Variants in TRPM4 observed in about 807,000 individuals in gnomAD.
TRPM4 encodes calcium-activated non-selective cation channel 1.
A neutral mutation model predicts 135.6 loss-of-function variants in TRPM4; 124 were observed. The observed-to-expected ratio is 0.91, with a 90% CI of 0.79 to 1.06. The LOEUF (loss-of-function observed/expected upper bound fraction) is 1.06. TRPM4 is among the 50% of genes least tolerant of loss of function. The pLI is 0.00. For synonymous variants in TRPM4, 745 were observed against 705.6 expected (o/e 1.06, Z -0.88); for missense variants, 1,658 against 1,671.4 (o/e 0.99, Z 0.14).
At position 49,157,861 on chromosome 19, in the gene TRPM4, G is replaced by C; in HGVS notation, c.-6G>C. On this transcript the variant is annotated 5_prime_UTR_variant, in exon 1 of 25. Transcript: ENST00000252826. ...GGCTGCAGGAGGTTGCGGCGGCCGC[G>C]GCAGCATGGTGGTGCCGGAGAAGGA... 1 of 1,534,558 alleles carries C rather than the reference G, an allele frequency of 6.5e-7. No homozygotes were observed.
At chr19:49,167,406 A>T (rs925545229) in intron 3 of TRPM4, among the ~76,000 whole-genome samples, 60 of 33,338 alleles carry the variant, frequency 1.8e-3, no homozygotes, top group Admixed American at 3.0e-3. Flanking sequence ...TTTCCCCTTT[A>T]CTCTGGGTTT....
rs146888497 is a variant in TRPM4 at position 49,169,837 on chromosome 19, C to T, written c.796+1101C>T. ...CCTCCCAAAGTGCTGGGATTACGGT[C>T]GTGAGCCACTGCGCCCAGCCAGCCA... On this transcript the variant is annotated intron_variant, in intron 6 of 24. Transcript: ENST00000252826. 2.9e-3 allele frequency among the ~76,000 whole-genome samples: 440 copies of T among 151,816 alleles called. 1 individual carries two copies. Among genetic ancestry groups the T allele is most frequent in the African/African-American group, 0.01 (419 of 41,394 alleles).
At chr19:49,190,164 G>C in intron 14 of TRPM4, 44 bp from the exon 15 acceptor site, 2 of 1,544,466 alleles carry the variant, frequency 1.3e-6, no homozygotes, top group Middle Eastern at 3.4e-4. Flanking sequence ...TAGGGACGGG[G>C]CTGTGGGGGA....
Position 49,170,478 on chromosome 19 carries a change from C to T in TRPM4, c.797-879C>T, listed in dbSNP as rs559857974. ...TGCTGGGATTACAGGCATGAGCCAC[C>T]GCACCTGGCCTAGTTTCTAATTTTA... On this transcript the variant is annotated intron_variant, in intron 6 of 24. Transcript: ENST00000252826. Among the ~76,000 whole-genome samples the T allele has an allele frequency of 1.7e-4, 26 of 152,248 alleles. No homozygotes were observed. The East Asian group carries it at 3.3e-3, about 19-fold the overall frequency.
chr19:49,168,592 G>C lies in TRPM4; in HGVS notation c.652G>C (p.Glu218Gln), dbSNP rs747502300. Residue 218 changes from glutamate (E) to glutamine (Q), a missense_variant, in exon 6 of 25, where the codon GAG (glutamate) becomes CAG (glutamine). Glu to Gln is a conservative substitution (Grantham distance 29). This residue lies in a region of TRPM4 where 1,412 missense variants were observed against 1,408.7 expected (regional missense o/e 1.00). Coordinates refer to ENST00000252826, the MANE Select transcript of TRPM4 (RefSeq NM_017636.4). ...GAGGTACCGGTGGCGCGGTGACCCGGAGGACGGGGTCCAGTTTCCCCTGGA... is the reference window on the plus strand; with the variant it reads ...GAGGTACCGGTGGCGCGGTGACCCGCAGGACGGGGTCCAGTTTCCCCTGGA... ...PARYRWRGDP[E>Q]DGVQFPLDYN... 3 of 1,613,668 alleles carry C rather than the reference G, an allele frequency of 1.9e-6. No homozygotes were observed. Among genetic ancestry groups the C allele is most frequent in the Non-Finnish European group, 2.5e-6 (3 of 1,180,010 alleles).
At chr19:49,174,489 A>T (rs1430480725) in intron 9 of TRPM4, among the ~76,000 whole-genome samples, 1 of 151,584 alleles carries the variant, frequency 6.6e-6, no homozygotes, top group East Asian at 2.0e-4. Context: ...GGCCAGGCAC[A>T]GTGGCTCACA....
At chr19:49,180,003 G>A (rs928947121) in intron 9 of TRPM4, among the ~76,000 whole-genome samples, 1 of 152,198 alleles carries the variant, frequency 6.6e-6, no homozygotes, top group Admixed American at 6.5e-5. Context: ...CTTGCCTGAA[G>A]TCACTCAGTT....
chr19:49,200,199 G>A (rs563722790), intron 17 of TRPM4, 101 bp from the exon 18 acceptor site: 97 of 1,583,576 alleles, frequency 6.1e-5, no homozygotes, highest in Non-Finnish European at 8.3e-5. Context: ...GTCCTGCCCG[G>A]TGGAGGCTGC....
intron 16 of TRPM4, among the ~76,000 whole-genome samples, chr19:49,196,018 C>T (rs553036938): frequency 2.0e-5 from 3 of 151,876 alleles, no homozygotes; most frequent in Middle Eastern, 3.4e-3. Flanking sequence ...GCCACCAGAC[C>T]CGGCTAATTT....
Position 49,168,223 on chromosome 19 carries a change from T to TC in TRPM4, c.449-32dup, listed in dbSNP as rs781046905. 8.7e-6 allele frequency: 14 copies of TC among 1,613,058 alleles called. 1 individual carries two copies. The South Asian group carries it at 1.5e-4, about 18-fold the overall frequency. On this transcript the variant is annotated intron_variant, in intron 4 of 24. Coordinates refer to ENST00000252826, the MANE Select transcript of TRPM4 (RefSeq NM_017636.4). ...GTCTCTGTCTTATTCTTTGTTTCTC[T>TC]CCCCCTGCCTCTGCATGTTCCTCGG... is the stretch of plus-strand genomic sequence containing the variant.
intron 16 of TRPM4, among the ~76,000 whole-genome samples, chr19:49,194,058 CTACTTCTCCTCTTCA>C (rs1968523722): frequency 6.8e-6 from 1 of 147,820 alleles, no homozygotes; most frequent in African/African-American, 2.6e-5. Flanking sequence ...TCTCCTCATC[CTACTTCTCCTCTTCA>C]TCCTCCTCCT....
Position 49,210,404 on chromosome 19 carries a change from C to T in TRPM4, c.3327C>T (p.Phe1109=). Residue 1109 remains phenylalanine (F), a splice_region_variant and synonymous_variant, in exon 21 of 25, where the codon TTC becomes TTT. Transcript: ENST00000252826. This position sits in a 1 kb window ranked among gnomAD's most constrained non-coding sequence, Gnocchi z 4.1. Reference sequence around the variant, plus strand: ...CGTCCTCCCCGGCCCTCGAGCATTTCCGTAAGAACAGAGCTTGGCTTAAAA... The same window carrying T: ...CGTCCTCCCCGGCCCTCGAGCATTTTCGTAAGAACAGAGCTTGGCTTAAAA... ...PQPSSPALEH[F]RVYLSKEAER... The T allele has an allele frequency of 6.2e-7, 1 of 1,613,296 alleles. No homozygotes were observed. Among genetic ancestry groups the T allele is most frequent in the Non-Finnish European group, 8.5e-7 (1 of 1,180,002 alleles).
At position 49,194,656 on chromosome 19, in the gene TRPM4, T is replaced by TGTCC. The variant is rs375513265; in HGVS notation, c.2211-1784_2211-1783insGTCC. Among the ~76,000 whole-genome samples, 259 of 55,118 alleles carry TGTCC rather than the reference T, an allele frequency of 4.7e-3. 2 individuals carry two copies. Among genetic ancestry groups the TGTCC allele is most frequent in the African/African-American group, 0.021 (237 of 11,090 alleles). The allele number at this position is 55,118 out of a possible 152,430, so 36.2% of individuals were successfully genotyped here. A position where few individuals can be genotyped will look rare whatever the true frequency, so the allele number is the denominator to read the frequency against. On this transcript the variant is annotated intron_variant, in intron 16 of 24. Transcript: ENST00000252826. ...CCCTTTCTTTCTCTCTCTCTTTCTC[T>TGTCC]CTCTGTCCCTCCCTCCCTTCCTTCC...
At position 49,211,003 on chromosome 19, in the gene TRPM4, C is replaced by T. The variant is rs1969343124; in HGVS notation, c.3462-12C>T. The T allele has an allele frequency of 3.7e-6, 6 of 1,613,704 alleles. No individual in the cohort carries two copies. Among genetic ancestry groups the T allele is most frequent in the Non-Finnish European group, 4.2e-6 (5 of 1,179,882 alleles). On this transcript the variant is annotated splice_polypyrimidine_tract_variant and intron_variant, in intron 22 of 24. Coordinates refer to ENST00000252826, the MANE Select transcript of TRPM4 (RefSeq NM_017636.4). The surrounding 1 kb of genome is among the most constrained non-coding windows in gnomAD (Gnocchi z 4.8). The stretch of plus-strand genomic sequence containing the variant: ...CTGCGGGTGCCCCCGGTAAGAGGCC[C>T]TCCCTTCTCAGGGTGGACTTGGCAC...
At chr19:49,192,198 G>A (rs568629032) in intron 16 of TRPM4, among the ~76,000 whole-genome samples, 9 of 152,226 alleles carry the variant, frequency 5.9e-5, no homozygotes, top group African/African-American at 1.9e-4. Context: ...GCAGGAGTGC[G>A]GTGCCGCGAT....
intron 2 of TRPM4, among the ~76,000 whole-genome samples, chr19:49,162,024 C>G (rs1318903487): frequency 6.6e-6 from 1 of 152,158 alleles, no homozygotes. Flanking sequence ...AACACCTACA[C>G]TCAAGGGAGG....
At position 49,210,803 on chromosome 19, in the gene TRPM4, G is replaced by A. The variant is rs954548302; in HGVS notation, c.3422G>A (p.Arg1141Gln). ...NFLLARARDK[R>Q]ESDSERLKRT... ...CTGCTGGCACGCGCTAGGGACAAGC[G>A]GGAGAGCGACTCCGAGCGTCTGAAG... Residue 1141 changes from arginine (R) to glutamine (Q), a missense_variant, in exon 22 of 25, where the codon CGG becomes CAG. By Grantham distance (43) the Arg-to-Gln change is conservative. Coordinates refer to ENST00000252826, the MANE Select transcript of TRPM4 (RefSeq NM_017636.4). This position sits in a 1 kb window ranked among gnomAD's most constrained non-coding sequence, Gnocchi z 4.1. 1.1e-5 allele frequency: 18 copies of A among 1,613,588 alleles called. No homozygotes were observed. Among genetic ancestry groups the A allele is most frequent in the African/African-American group, 2.7e-5 (2 of 74,940 alleles).
intron 9 of TRPM4, among the ~76,000 whole-genome samples, chr19:49,180,986 G>A (rs896864152): frequency 6.6e-6 from 1 of 152,134 alleles, no homozygotes; most frequent in African/African-American, 2.4e-5. Context: ...GGGTAGTTAT[G>A]TGTTGGGGGG....
Position 49,171,832 on chromosome 19 carries a change from T to TG in TRPM4, c.1050+66dup. ...GGAGGGAACTGGGGACTTGGGCTCCTGGGTCTGAGGGAGGAGGGGCTGGGG... is the reference window on the plus strand; with the variant it reads ...GGAGGGAACTGGGGACTTGGGCTCCTGGGGTCTGAGGGAGGAGGGGCTGGGG... On this transcript the variant is annotated intron_variant, in intron 8 of 24. Transcript: ENST00000252826. The surrounding 1 kb of genome is among the most constrained non-coding windows in gnomAD (Gnocchi z 4.7). 1 of 1,555,844 alleles carries TG rather than the reference T, an allele frequency of 6.4e-7. No individual in the cohort carries two copies. Among genetic ancestry groups the TG allele is most frequent in the South Asian group, 1.1e-5 (1 of 88,610 alleles).
Sources: gnomAD v4.1 joint callset for allele counts (sites outside exome capture counted in the v4.1 genomes callset) on GRCh38, gnomAD v4.1.1 for gene constraint, gnomAD v4.1.1 regional missense constraint, Gnocchi (gnomAD v3.1) non-coding constraint, MANE v1.5 for transcripts, NCBI Gene and HGNC (gene_info 2026-07-23, HGNC 2026-07-21) for gene names.